The following ITGAL variants were observed in gnomAD, a reference collection of about 807,000 sequenced individuals.
ITGAL encodes integrin alpha-L.
ITGAL carries 68 observed loss-of-function variants against 138.4 expected under a neutral mutation model. The ratio of observed to expected loss-of-function variants is 0.49; its 90% CI spans 0.40 to 0.60. ITGAL has a LOEUF of 0.60. ITGAL is among the 20% of genes least tolerant of loss of function. The probability of loss-of-function intolerance (pLI) is 0.00; values close to 1 mark genes in which losing one functional copy is unlikely to be tolerated. For synonymous variants in ITGAL, 561 were observed against 584.3 expected (o/e 0.96, Z 0.57); for missense variants, 1,256 against 1,478.6 (o/e 0.85, Z 2.47).
At chr16:30,484,875 G>T (rs2050617350) in intron 9 of ITGAL, among the ~76,000 whole-genome samples, 1 of 150,744 alleles carries the variant, frequency 6.6e-6, no homozygotes, top group Non-Finnish European at 1.5e-5. Flanking sequence ...GCTGAGATGT[G>T]CCATTGCACT....
At chr16:30,508,858 C>T (rs1043813820) in intron 21 of ITGAL, among the ~76,000 whole-genome samples, 5 of 150,944 alleles carry the variant, frequency 3.3e-5, no homozygotes, top group African/African-American at 1.2e-4. Flanking sequence ...GACCTTGTCT[C>T]AGGAAAAACA....
In ITGAL at chr16:30,518,664, C is replaced by G; in HGVS notation, c.3173C>G (p.Ser1058Cys). 6.2e-7 allele frequency: 1 copy of G among 1,614,090 alleles called. No individual in the cohort carries two copies. Among genetic ancestry groups the G allele is most frequent in the Non-Finnish European group, 8.5e-7 (1 of 1,179,976 alleles). Residue 1058 changes from serine (S) to cysteine (C), a missense_variant, in exon 29 of 31, where the codon TCC (serine) becomes TGC (cysteine). By Grantham distance (112) the Ser-to-Cys change is moderately radical. This residue lies in a region of ITGAL where 867 missense variants were observed against 972.5 expected (regional missense o/e 0.89). Transcript: ENST00000356798. ...MFSLCSSLSI[S>C]FNSSKHFHLY... ...AGCCTCTGCAGCTCCCTCTCCATCT[C>G]CTTCAACAGCAGCAAGCATTTCCAC...
At chr16:30,497,368 G>T (rs1208127997) in intron 15 of ITGAL, among the ~76,000 whole-genome samples, 1 of 151,938 alleles carries the variant, frequency 6.6e-6, no homozygotes, top group African/African-American at 2.4e-5. Context: ...TTAACAGGGT[G>T]TGGTGGCTCA....
intron 21 of ITGAL, among the ~76,000 whole-genome samples, chr16:30,508,887 A>ACAAAAAG (rs1387386960): frequency 6.6e-6 from 1 of 151,862 alleles, no homozygotes; most frequent in Non-Finnish European, 1.5e-5. Context: ...AAAACAAAAA[A>ACAAAAAG]AAAACTGGGC....
chr16:30,517,731 G>T (rs1445507963), intron 27 of ITGAL, 26 bp downstream of exon 27: 10 of 1,613,570 alleles, frequency 6.2e-6, no homozygotes, highest in Non-Finnish European at 6.8e-6. Flanking sequence ...CTGAGAGACG[G>T]TGGGGCTGGG....
chr16:30,494,593 G>A lies in ITGAL; in HGVS notation c.1366-120G>A. The A allele has an allele frequency of 1.6e-6, 2 of 1,288,946 alleles. No individual in the cohort carries two copies. The highest frequency in any genetic ancestry group is 1.6e-5 in the South Asian group (1 of 62,872). 79.8% of individuals were successfully genotyped at this position (1,288,946 alleles called of 1,614,324 possible). A position where few individuals can be genotyped will look rare whatever the true frequency, so the allele number is the denominator to read the frequency against. On this transcript the variant is annotated intron_variant, in intron 12 of 30. Transcript: ENST00000356798. This position sits in a 1 kb window ranked among gnomAD's most constrained non-coding sequence, Gnocchi z 4.2. ...TCTTAACGCACATAGACTAGGGGTG[G>A]ATCCAAGATTGGAACCTGCATTTGA...
At position 30,505,133 on chromosome 16, in the gene ITGAL, C is replaced by T. The variant is rs1467744215; in HGVS notation, c.2236-111C>T. 3.6e-6 allele frequency: 4 copies of T among 1,112,684 alleles called. No homozygotes were observed. The East Asian group carries it at 1.0e-4, about 29-fold the overall frequency. The allele number at this position is 1,112,684 out of a possible 1,614,324, so 68.9% of individuals were successfully genotyped here. A position where few individuals can be genotyped will look rare whatever the true frequency, so the allele number is the denominator to read the frequency against. ...GCAGCTGGCTCCTGGGCAGGGCCAACCACAGCCAGCCCAGTTGAGCTAAGC... is the reference window on the plus strand; with the variant it reads ...GCAGCTGGCTCCTGGGCAGGGCCAATCACAGCCAGCCCAGTTGAGCTAAGC... On this transcript the variant is annotated intron_variant, in intron 18 of 30. Transcript: ENST00000356798.
At chr16:30,504,291 G>A (rs781122326) in intron 18 of ITGAL, 27 bp downstream of exon 18, 3 of 1,557,330 alleles carry the variant, frequency 1.9e-6, no homozygotes, top group Non-Finnish European at 2.7e-6. Context: ...AGGGATGGTG[G>A]GGAGTTTATC....
chr16:30,494,672 T>C lies in ITGAL; in HGVS notation c.1366-41T>C, dbSNP rs775465294. The C allele has an allele frequency of 6.4e-7, 1 of 1,567,896 alleles. No individual in the cohort carries two copies. The highest frequency in any genetic ancestry group is 8.7e-7 in the Non-Finnish European group (1 of 1,154,530). ...GGTATCTCCCTGCCAACCCCTGCTG[T>C]TCCCACAGGCGCTTCCCCAAACACC... On this transcript the variant is annotated intron_variant, in intron 12 of 30. Transcript: ENST00000356798. This position sits in a 1 kb window ranked among gnomAD's most constrained non-coding sequence, Gnocchi z 4.2.
Position 30,513,846 on chromosome 16 carries a change from G to A in ITGAL, c.2862G>A (p.Gln954=), listed in dbSNP as rs763270699. Residue 954 remains glutamine (Q), a splice_region_variant and synonymous_variant, in exon 25 of 31, where the codon CAG becomes CAA. Transcript: ENST00000356798. Reference sequence around the variant, plus strand: ...TCCACCAAGTCAAGCACATGTACCAGGTATGAATCCCAATGTGGAAGGTCC... The same window carrying A: ...TCCACCAAGTCAAGCACATGTACCAAGTATGAATCCCAATGTGGAAGGTCC... ...PKIHQVKHMY[Q]VRIQPSIHDH... 6.2e-7 allele frequency: 1 copy of A among 1,605,440 alleles called. No individual in the cohort carries two copies. Among genetic ancestry groups the A allele is most frequent in the South Asian group, 1.1e-5 (1 of 90,908 alleles).
chr16:30,499,711 A>ATGTGTATATATATATATG (rs375717960), intron 17 of ITGAL, among the ~76,000 whole-genome samples: 7 of 93,826 alleles, frequency 7.5e-5, no homozygotes, highest in Admixed American at 4.2e-4. Context: ...ATATATATAT[A>ATGTGTATATATATATATG]TGTATATATA....
intron 2 of ITGAL, 125 bp from the exon 3 acceptor site, chr16:30,475,181 T>G (rs1664231522): frequency 1.4e-6 from 1 of 739,582 alleles, no homozygotes; most frequent in Non-Finnish European, 2.3e-6. Context: ...CAGAGGCACC[T>G]TCTTGAAGGG....
At chr16:30,481,640 C>T in intron 7 of ITGAL, 56 bp downstream of exon 7, 1 of 1,557,068 alleles carries the variant, frequency 6.4e-7, no homozygotes, top group Non-Finnish European at 8.8e-7. Context: ...GGGTGATCTA[C>T]CCACTTCCAG....
chr16:30,474,276 C>G lies in ITGAL; in HGVS notation c.142C>G (p.Arg48Gly), dbSNP rs779619897. ...GCGCGCCGGGAGGCACTTTGGATAC[C>G]GCGTCCTGCAGGTCGGAAACGGGTG... ...PPRAGRHFGY[R>G]VLQVGNGVIV... is the part of the protein sequence containing the mutation. Residue 48 changes from arginine to glycine, a missense_variant, in exon 2 of 31, where the codon CGC (arginine) becomes GGC (glycine). Coordinates refer to ENST00000356798, the MANE Select transcript of ITGAL (RefSeq NM_002209.3). 1 of 1,607,760 alleles carries G rather than the reference C, an allele frequency of 6.2e-7. No individual in the cohort carries two copies. Among genetic ancestry groups the G allele is most frequent in the South Asian group, 1.1e-5 (1 of 90,260 alleles).
chr16:30,518,766 C>A (rs751522355), intron 29 of ITGAL, 47 bp downstream of exon 29: 1 of 1,370,372 alleles, frequency 7.3e-7, no homozygotes, highest in East Asian at 2.3e-5. Flanking sequence ...ACAGAGGGAG[C>A]CCAGGAGCCC....
At chr16:30,520,488 G>C (rs960685316) in intron 30 of ITGAL, among the ~76,000 whole-genome samples, 1 of 152,148 alleles carries the variant, frequency 6.6e-6, no homozygotes, top group Non-Finnish European at 1.5e-5. Context: ...GCCCATCCCT[G>C]GCAGAGCCAG....
intron 27 of ITGAL, 30 bp from the exon 28 acceptor site, chr16:30,517,767 C>T (rs1344191555): frequency 5.6e-6 from 9 of 1,612,950 alleles, no homozygotes; most frequent in Non-Finnish European, 7.6e-6. Flanking sequence ...AATGAAGCCG[C>T]CCTGACCCCG....
Position 30,494,661 on chromosome 16 carries a change from A to G in ITGAL, c.1366-52A>G. On this transcript the variant is annotated intron_variant, in intron 12 of 30. Coordinates refer to ENST00000356798, the MANE Select transcript of ITGAL (RefSeq NM_002209.3). This position sits in a 1 kb window ranked among gnomAD's most constrained non-coding sequence, Gnocchi z 4.2. Reference sequence around the variant, plus strand: ...AACACGGTACAGGTATCTCCCTGCCAACCCCTGCTGTTCCCACAGGCGCTT... The same window carrying G: ...AACACGGTACAGGTATCTCCCTGCCGACCCCTGCTGTTCCCACAGGCGCTT... 2 of 1,554,342 alleles carry G rather than the reference A, an allele frequency of 1.3e-6. No homozygotes were observed. The highest frequency in any genetic ancestry group is 2.4e-5 in the South Asian group (2 of 83,178).
intron 28 of ITGAL, 78 bp downstream of exon 28, chr16:30,517,973 A>T: frequency 9.1e-7 from 1 of 1,100,728 alleles, no homozygotes; most frequent in Non-Finnish European, 1.4e-6. Flanking sequence ...GGCTCCCACC[A>T]GATAGTCTGC....
Sources: allele counts gnomAD v4.1 joint callset (sites outside exome capture counted in the v4.1 genomes callset), GRCh38; gene constraint gnomAD v4.1.1; regional missense constraint gnomAD v4.1.1; non-coding constraint Gnocchi (gnomAD v3.1); transcripts MANE v1.5; gene names NCBI Gene and HGNC (gene_info 2026-07-23, HGNC 2026-07-21).